The following HDAC9 variants were observed in gnomAD, a reference collection of about 807,000 sequenced individuals.
The protein encoded by HDAC9 is MEF-2 interacting transcription repressor (MITR) protein.
In HDAC9, 41 loss-of-function variants were observed where a neutral mutation model predicts 139.4. That is an observed-to-expected ratio of 0.29 (90% CI 0.23 to 0.38). The LOEUF (loss-of-function observed/expected upper bound fraction) is 0.38. HDAC9 is among the 10% of genes least tolerant of loss of function. The pLI, the probability that HDAC9 is intolerant of heterozygous loss-of-function variation, is 1.00. For synonymous variants in HDAC9, 517 were observed against 476.2 expected (o/e 1.09, Z -1.12); for missense variants, 1,147 against 1,297.0 (o/e 0.88, Z 1.78).
At chr7:18,329,864 G>A (rs1482936767) in intron 1 of HDAC9, among the ~76,000 whole-genome samples, 2 of 151,712 alleles carry the variant, frequency 1.3e-5, no homozygotes, top group Non-Finnish European at 2.9e-5. Context: ...CTGAAGAAAT[G>A]TTTAACTACC....
At chr7:18,978,598 C>T (rs2240278) in intron 25 of HDAC9, among the ~76,000 whole-genome samples, 71,394 of 151,836 alleles carry the variant, frequency 0.47, 19,507 homozygotes, top group African/African-American at 0.77. Flanking sequence ...AACAAAACAA[C>T]ACAAAAAATC....
intron 1 of HDAC9, among the ~76,000 whole-genome samples, chr7:18,094,085 A>G (rs1257122707): frequency 6.6e-6 from 1 of 152,200 alleles, no homozygotes; most frequent in Non-Finnish European, 1.5e-5. Context: ...ACCTCAAGGA[A>G]GAGTATGATT....
intron 12 of HDAC9, among the ~76,000 whole-genome samples, chr7:18,669,864 C>T (rs528458656): frequency 6.6e-6 from 1 of 151,710 alleles, no homozygotes; most frequent in Non-Finnish European, 1.5e-5. Context: ...AATTCACCTT[C>T]TCATTGGTGA....
At chr7:18,751,021 T>C (rs1172733257) in intron 14 of HDAC9, among the ~76,000 whole-genome samples, 1 of 152,218 alleles carries the variant, frequency 6.6e-6, no homozygotes, top group Non-Finnish European at 1.5e-5. Flanking sequence ...GAAGGAGAAC[T>C]GTTTATGAAA....
intron 21 of HDAC9, among the ~76,000 whole-genome samples, chr7:18,841,884 C>G (rs546734182): frequency 1.3e-4 from 20 of 152,074 alleles, no homozygotes; most frequent in African/African-American, 4.8e-4. Flanking sequence ...CTTTTAATAA[C>G]CGATCTAATT....
rs74774741 is a variant in HDAC9 at position 18,463,234 on chromosome 7, T to C, written c.-41-33028T>C. Among the ~76,000 whole-genome samples the C allele has an allele frequency of 1.4e-3, 210 of 152,106 alleles. 3 individuals carry two copies. In the East Asian group the frequency reaches 0.038, roughly 27 times the overall value. The stretch of plus-strand genomic sequence containing the variant: ...TTTTCCTATCTTGAAATTCTCTTAT[T>C]AGAGTTGGCGCCAAGATATACCCAC... On this transcript the variant is annotated intron_variant, in intron 1 of 3. Coordinates refer to the HDAC9 transcript ENST00000413509.
intron 1 of HDAC9, among the ~76,000 whole-genome samples, chr7:18,113,850 A>G (rs1041195802): frequency 2.0e-5 from 3 of 152,092 alleles, no homozygotes; most frequent in African/African-American, 2.4e-5. Context: ...TTTCAGATCT[A>G]TTTTCTGAAA....
At chr7:18,980,158 T>C (rs191481605) in intron 25 of HDAC9, among the ~76,000 whole-genome samples, 186 of 152,284 alleles carry the variant, frequency 1.2e-3, no homozygotes, top group Non-Finnish European at 2.1e-3. Context: ...CCAACGTGTC[T>C]AACATGTGGT....
At chr7:18,964,836 G>T (rs1049331199) in intron 24 of HDAC9, among the ~76,000 whole-genome samples, 2 of 152,160 alleles carry the variant, frequency 1.3e-5, no homozygotes, top group African/African-American at 4.8e-5. Flanking sequence ...CTCCCACCAG[G>T]TCTCTCCTTC....
chr7:18,217,069 A>T (rs1792370618), intron 2 of HDAC9, among the ~76,000 whole-genome samples: 1 of 152,180 alleles, frequency 6.6e-6, no homozygotes, highest in Admixed American at 6.5e-5. Flanking sequence ...CACGCAAAAA[A>T]TCAGTCAGGT....
chr7:18,738,617 G>A (rs896176809), intron 13 of HDAC9, among the ~76,000 whole-genome samples: 1 of 152,204 alleles, frequency 6.6e-6, no homozygotes, highest in South Asian at 2.1e-4. Context: ...TAGGGTTTCT[G>A]CAGAGAGATC....
Position 18,569,288 on chromosome 7 carries a change from T to C in HDAC9, c.23-15993T>C, listed in dbSNP as rs893382840. On this transcript the variant is annotated intron_variant, in intron 2 of 25. Transcript: ENST00000686413. ...TAAACACTGAAATTTGAATTTCATATATTTTTATGTCACAAAATATTTTCC... is the reference window on the plus strand; with the variant it reads ...TAAACACTGAAATTTGAATTTCATACATTTTTATGTCACAAAATATTTTCC... Among the ~76,000 whole-genome samples, 7 of 152,210 alleles carry C rather than the reference T, an allele frequency of 4.6e-5. No individual in the cohort carries two copies. The East Asian group carries it at 1.2e-3, about 25-fold the overall frequency.
intron 1 of HDAC9, among the ~76,000 whole-genome samples, chr7:18,369,048 G>T (rs916371013): frequency 6.6e-6 from 1 of 152,012 alleles, no homozygotes; most frequent in African/African-American, 2.4e-5. Flanking sequence ...TATGTATGGG[G>T]CATTTAGGGT....
intron 1 of HDAC9, among the ~76,000 whole-genome samples, chr7:18,144,486 A>G (rs1786149512): frequency 6.6e-6 from 1 of 152,022 alleles, no homozygotes; most frequent in Non-Finnish European, 1.5e-5. Context: ...CACTCCTATT[A>G]TTCTAATTCA....
intron 22 of HDAC9, among the ~76,000 whole-genome samples, chr7:18,927,866 G>T (rs1425716919): frequency 6.6e-6 from 1 of 152,184 alleles, no homozygotes; most frequent in Non-Finnish European, 1.5e-5. Flanking sequence ...GAGGTTGCCA[G>T]AATCATTTTT....
chr7:18,136,779 C>T (rs1378332317), intron 1 of HDAC9, among the ~76,000 whole-genome samples: 32 of 151,084 alleles, frequency 2.1e-4, no homozygotes, highest in Admixed American at 4.6e-4. Context: ...ATTGACTTGG[C>T]GATGCGGGCT....
At position 18,155,348 on chromosome 7, in the gene HDAC9, C is replaced by A. The variant is rs528976148; in HGVS notation, c.-96-6881C>A. Reference sequence around the variant, plus strand: ...GAATATGGGTTGGGTACTGGATACCCTGGGGCTAAGCCCAGTGTTTAAAAA... The same window carrying A: ...GAATATGGGTTGGGTACTGGATACCATGGGGCTAAGCCCAGTGTTTAAAAA... On this transcript the variant is annotated intron_variant, in intron 1 of 12. Coordinates refer to the HDAC9 transcript ENST00000417496. 4.6e-5 allele frequency among the ~76,000 whole-genome samples: 7 copies of A among 152,196 alleles called. No homozygotes were observed. In the South Asian group the frequency reaches 1.5e-3, roughly 32 times the overall value.
intron 2 of HDAC9, among the ~76,000 whole-genome samples, chr7:18,510,445 A>G (rs750400336): frequency 2.6e-5 from 4 of 152,170 alleles, no homozygotes; most frequent in Non-Finnish European, 5.9e-5. Flanking sequence ...TTCAAATAAC[A>G]CTTTGCATTT....
At chr7:18,393,863 G>T (rs907347467) in intron 1 of HDAC9, among the ~76,000 whole-genome samples, 1 of 152,182 alleles carries the variant, frequency 6.6e-6, no homozygotes, top group Non-Finnish European at 1.5e-5. Context: ...TAAAAGCCAC[G>T]CACGGAACAA....
Sources: gnomAD v4.1 joint callset for allele counts (sites outside exome capture counted in the v4.1 genomes callset) on GRCh38, gnomAD v4.1.1 for gene constraint, MANE v1.5 for transcripts, NCBI Gene and HGNC (gene_info 2026-07-23, HGNC 2026-07-21) for gene names.